Variants in SKA3 observed in about 807,000 individuals in gnomAD.
SKA3 encodes the protein spindle and kinetochore associated complex subunit 3.
SKA3 carries 39 observed loss-of-function variants against 44.2 expected under a neutral mutation model. The ratio of observed to expected loss-of-function variants is 0.88; its 90% confidence interval spans 0.68 to 1.15. SKA3 has a LOEUF of 1.15. Ranked by LOEUF, SKA3 falls within the 50% of genes most tolerant of loss-of-function variation. The probability of loss-of-function intolerance (pLI) is 0.00; values close to 1 mark genes in which losing one functional copy is unlikely to be tolerated. For missense variants in SKA3, 511 were observed against 485.8 expected, an observed-to-expected ratio of 1.05 and a Z score of -0.49; for synonymous variants, 192 against 172.0, an observed-to-expected ratio of 1.12 and a Z score of -0.91.
rs750948597 is a variant in SKA3 at position 21,172,429 on chromosome 13, C to G, written c.241G>C (p.Val81Leu). The G allele has an allele frequency of 1.3e-6, 2 of 1,591,332 alleles. No individual in the cohort carries two copies. The highest frequency in any genetic ancestry group is 2.7e-5 in the African/African-American group (2 of 73,234). Reference protein sequence around the residue: ...EGIDFIKATKVLMEKNSMDIM... With the variant: ...EGIDFIKATKLLMEKNSMDIM... ...TCCATTGAATTTTTTTCCATTAGTACTTTTGTTGCCTTTATGAAATCAATG... is the reference window on the plus strand; with the variant it reads ...TCCATTGAATTTTTTTCCATTAGTAGTTTTGTTGCCTTTATGAAATCAATG... Residue 81 changes from valine to leucine, a missense_variant, in exon 3 of 9, where the codon GTA (valine) becomes CTA (leucine). By Grantham distance (32) the Val-to-Leu change is conservative. Transcript: ENST00000314759.
chr13:21,158,235 G>GC, intron 6 of SKA3, 110 bp from the exon 7 acceptor site: 1 of 568,048 alleles, frequency 1.8e-6, no homozygotes, highest in South Asian at 2.9e-5. Flanking sequence ...GCTCCCATAT[G>GC]CCCCATCTTC....
intron 4 of SKA3, among the ~76,000 whole-genome samples, chr13:21,163,342 G>A (rs1870539060): frequency 6.6e-6 from 1 of 152,086 alleles, no homozygotes; most frequent in South Asian, 2.1e-4. Context: ...AACTACTTGT[G>A]TACTCTTAAT....
intron 7 of SKA3, among the ~76,000 whole-genome samples, chr13:21,156,669 A>G (rs1166539998): frequency 3.3e-5 from 5 of 152,242 alleles, no homozygotes; most frequent in South Asian, 2.1e-4. Flanking sequence ...ATATCCTAGC[A>G]TGAGTCAGTT....
At chr13:21,176,323 T>G in intron 1 of SKA3, 52 bp downstream of exon 1, 1 of 1,308,234 alleles carries the variant, frequency 7.6e-7, no homozygotes, top group Non-Finnish European at 9.9e-7. Context: ...GCCACGCCCC[T>G]CCGCCCGCGG....
intron 4 of SKA3, among the ~76,000 whole-genome samples, chr13:21,163,408 T>C (rs1424257390): frequency 1.3e-5 from 2 of 152,300 alleles, no homozygotes; most frequent in South Asian, 2.1e-4. Context: ...GTGTTATATA[T>C]ATAACACTAT....
At position 21,167,866 on chromosome 13, in the gene SKA3, A is replaced by G. The variant is rs535120819; in HGVS notation, c.743+122T>C. On this transcript the variant is annotated intron_variant, in intron 4 of 8. Transcript: ENST00000314759. The stretch of plus-strand genomic sequence containing the variant: ...CTATTGAAATAAAATAAATAAATAA[A>G]TATCTGAAAACTTTTTAAAGCAAAA... The G allele has an allele frequency of 3.1e-5, 22 of 701,880 alleles. No individual in the cohort carries two copies. The East Asian group carries it at 6.9e-4, about 22-fold the overall frequency. 43.5% of individuals were successfully genotyped at this position (701,880 alleles called of 1,614,324 possible). A position where few individuals can be genotyped will look rare whatever the true frequency, so the allele number is the denominator to read the frequency against.
intron 3 of SKA3, among the ~76,000 whole-genome samples, chr13:21,168,756 G>A (rs1266212632): frequency 1.3e-5 from 2 of 151,744 alleles, no homozygotes; most frequent in Non-Finnish European, 2.9e-5. Context: ...TCAAACTCCT[G>A]GGCTCAAATG....
intron 7 of SKA3, among the ~76,000 whole-genome samples, chr13:21,157,641 T>A (rs1870183056): frequency 6.6e-6 from 1 of 152,194 alleles, no homozygotes; most frequent in South Asian, 2.1e-4. Context: ...CACTGGTATG[T>A]TATTCATGAT....
At position 21,155,813 on chromosome 13, in the gene SKA3, T is replaced by TAAAAA. The variant is rs11446085; in HGVS notation, c.1120-7_1120-3dup. 14 of 1,123,678 alleles carry TAAAAA rather than the reference T, an allele frequency of 1.2e-5. No individual in the cohort carries two copies. The highest frequency in any genetic ancestry group is 2.7e-5 in the South Asian group (2 of 73,160). 69.6% of individuals were successfully genotyped at this position (1,123,678 alleles called of 1,614,324 possible). On this transcript the variant is annotated splice_polypyrimidine_tract_variant and splice_region_variant and intron_variant, in intron 7 of 8. Transcript: ENST00000314759. ...GTTTGAGTTGTATTTTGATAAAAGCTAAAAAAAAAAAAGGAAATTCCTTTT... is the reference window on the plus strand; with the variant it reads ...GTTTGAGTTGTATTTTGATAAAAGCTAAAAAAAAAAAAAAAAAGGAAATTCCTTTT...
chr13:21,168,701 T>G (rs902102326), intron 3 of SKA3, among the ~76,000 whole-genome samples: 1 of 151,888 alleles, frequency 6.6e-6, no homozygotes, highest in Non-Finnish European at 1.5e-5. Flanking sequence ...ATTTTAAAAA[T>G]TTTTTTTTGT....
chr13:21,167,906 T>G (rs1870804359), intron 4 of SKA3, 82 bp downstream of exon 4: 1 of 1,218,080 alleles, frequency 8.2e-7, no homozygotes, highest in African/African-American at 1.6e-5. Flanking sequence ...CTGAAACATT[T>G]TATTTCTTCT....
chr13:21,160,436 A>G (rs1188567552), intron 5 of SKA3, among the ~76,000 whole-genome samples: 1 of 151,952 alleles, frequency 6.6e-6, no homozygotes, highest in Non-Finnish European at 1.5e-5. Context: ...CCATGCATAT[A>G]TAGACAAGAG....
At position 21,154,960 on chromosome 13, in the gene SKA3, C is replaced by G. The variant is rs1870022318; in HGVS notation, c.*190G>C. On this transcript the variant is annotated 3_prime_UTR_variant, in exon 9 of 9. Transcript: ENST00000314759. ...AGTGAATGACTGGGCTACATGTCAA[C>G]AAGACTAAGGTTAAACCTTATTGAA... The G allele has an allele frequency of 1.2e-5, 11 of 920,842 alleles. No individual in the cohort carries two copies. The highest frequency in any genetic ancestry group is 2.2e-4 in the Middle Eastern group (1 of 4,580). 57.0% of individuals were successfully genotyped at this position (920,842 alleles called of 1,614,324 possible).
chr13:21,155,126 G>GT lies in SKA3; in HGVS notation c.*23dup, dbSNP rs1650867861. 1.9e-6 allele frequency: 3 copies of GT among 1,612,486 alleles called. No homozygotes were observed. The African/African-American group carries it at 4.0e-5, about 22-fold the overall frequency. ...TTTCATCTCATTTTGTTCAGTTTCTGTGTTGGATAGATCCACTGGAATTTC... is the reference window on the plus strand; with the variant it reads ...TTTCATCTCATTTTGTTCAGTTTCTGTTGTTGGATAGATCCACTGGAATTTC... On this transcript the variant is annotated 3_prime_UTR_variant, in exon 9 of 9. Transcript: ENST00000314759.
In SKA3 at chr13:21,159,969, G is replaced by A. The variant is rs780900033; in HGVS notation, c.848C>T (p.Ser283Phe). The A allele has an allele frequency of 5.6e-6, 9 of 1,606,044 alleles. No individual in the cohort carries two copies. The South Asian group carries it at 7.8e-5, about 14-fold the overall frequency. ...LEKSDAEYTN[S>F]PLVPTFCTPG... The stretch of plus-strand genomic sequence containing the variant: ...AGTACAGAATGTAGGTACCAAAGGA[G>A]AGTTGGTATATTCGGCATCTAAAAG... The change falls in exon 6 of 9, where the codon TCT (serine) becomes TTT (phenylalanine). Residue 283 changes from serine to phenylalanine, a missense_variant. Physicochemically the swap from Ser to Phe is radical, Grantham distance 155. Coordinates refer to ENST00000314759, the MANE Select transcript of SKA3 (RefSeq NM_145061.6).
Position 21,161,785 on chromosome 13 carries a change from C to T in SKA3, c.829+5G>A, listed in dbSNP as rs1454918446. 3 of 1,199,846 alleles carry T rather than the reference C, an allele frequency of 2.5e-6. No individual in the cohort carries two copies. Among genetic ancestry groups the T allele is most frequent in the Non-Finnish European group, 3.3e-6 (3 of 898,036 alleles). The allele number at this position is 1,199,846 out of a possible 1,614,324, so 74.3% of individuals were successfully genotyped here. On this transcript the variant is annotated splice_donor_5th_base_variant and intron_variant, in intron 5 of 8. Coordinates refer to ENST00000314759, the MANE Select transcript of SKA3 (RefSeq NM_145061.6). Reference sequence around the variant, plus strand: ...CCTGAGAAGTAACTTGATTCTTATACTTACCACTTTTTTCCAACTGCTGGA... The same window carrying T: ...CCTGAGAAGTAACTTGATTCTTATATTTACCACTTTTTTCCAACTGCTGGA...
chr13:21,172,811 CATAAG>C (rs760087958), intron 1 of SKA3, 130 bp from the exon 2 acceptor site: 4 of 562,764 alleles, frequency 7.1e-6, no homozygotes, highest in South Asian at 2.6e-5. Flanking sequence ...ACAGTGGTAC[CATAAG>C]ATAATACCAT....
At chr13:21,172,160 CCT>C in intron 3 of SKA3, 177 bp downstream of exon 3, 2 of 420,522 alleles carry the variant, frequency 4.8e-6, no homozygotes, top group Non-Finnish European at 8.4e-6. Flanking sequence ...ATATTACACC[CCT>C]GATTAGCACT....
chr13:21,168,697 A>T (rs535055623), intron 3 of SKA3, among the ~76,000 whole-genome samples: 102 of 151,994 alleles, frequency 6.7e-4, no homozygotes, highest in African/African-American at 2.1e-3. Flanking sequence ...GCTAATTTTA[A>T]AAATTTTTTT....
Sources: gnomAD v4.1 joint callset for allele counts (sites outside exome capture counted in the v4.1 genomes callset) on GRCh38, gnomAD v4.1.1 for gene constraint, MANE v1.5 for transcripts, NCBI Gene and HGNC (gene_info 2026-07-23, HGNC 2026-07-21) for gene names.